Variants in RANBP2 observed in about 807,000 individuals in gnomAD.
RANBP2 encodes E3 SUMO-protein ligase RanBP2.
In RANBP2, 57 loss-of-function variants were observed where a neutral mutation model predicts 303.6. That is an observed-to-expected ratio of 0.19 (90% CI 0.15 to 0.23). The LOEUF (loss-of-function observed/expected upper bound fraction) is 0.23, where lower values mean the gene tolerates loss of function less well. Among genes scored for constraint, RANBP2 ranks in the 10% least tolerant of loss-of-function variants. RANBP2 has a pLI of 1.00. For missense variants in RANBP2, 3,138 were observed against 3,780.8 expected (o/e 0.83, Z 4.46); for synonymous variants, 1,167 against 1,301.5 (o/e 0.90, Z 2.23).
chr2:109,422,971 G>A, the RANBP2 span, among the ~76,000 whole-genome samples: 17 of 152,186 alleles, frequency 1.1e-4, no homozygotes, highest in South Asian at 4.2e-4. Context: ...GGTCTGACTC[G>A]GTCCACGTAC....
At chr2:109,345,023 A>G in the RANBP2 span, among the ~76,000 whole-genome samples, 1 of 152,132 alleles carries the variant, frequency 6.6e-6, no homozygotes, top group Non-Finnish European at 1.5e-5. Context: ...CACAGTGCTG[A>G]TACCAGTGAG....
At chr2:109,199,852 A>T in the RANBP2 span, among the ~76,000 whole-genome samples, 2,292 of 150,276 alleles carry the variant, frequency 0.015, 11 homozygotes, top group Non-Finnish European at 0.025. Context: ...TGGAATGGAA[A>T]TAACAAAATT....
At position 108,768,392 on chromosome 2, in the gene RANBP2, A is replaced by C. The variant is rs2949961; in HGVS notation, c.7849+4A>C. 1 of 1,608,054 alleles carries C rather than the reference A, an allele frequency of 6.2e-7. No individual in the cohort carries two copies. Among genetic ancestry groups the C allele is most frequent in the Non-Finnish European group, 8.5e-7 (1 of 1,177,260 alleles). Reference sequence around the variant, plus strand: ...ACATTTAAAACACCAGAAAAGGGTAAGTACTTTGTTGTTAAAGTTAAGCAC... The same window carrying C: ...ACATTTAAAACACCAGAAAAGGGTACGTACTTTGTTGTTAAAGTTAAGCAC... On this transcript the variant is annotated splice_donor_region_variant and intron_variant, in intron 20 of 28. Coordinates refer to ENST00000283195, the MANE Select transcript of RANBP2 (RefSeq NM_006267.5).
chr2:109,174,678 T>C, the RANBP2 span, among the ~76,000 whole-genome samples: 2 of 152,256 alleles, frequency 1.3e-5, no homozygotes, highest in African/African-American at 4.8e-5. Context: ...ATTTGGAAGA[T>C]GATATTTTCA....
the RANBP2 span, among the ~76,000 whole-genome samples, chr2:108,961,024 G>A: frequency 6.6e-6 from 1 of 152,190 alleles, no homozygotes; most frequent in Admixed American, 6.5e-5. Context: ...GAGTCCCAGT[G>A]GTAGAACTGT....
the RANBP2 span, among the ~76,000 whole-genome samples, chr2:108,914,209 G>A: frequency 1.3e-5 from 2 of 151,222 alleles, no homozygotes; most frequent in East Asian, 1.9e-4. Flanking sequence ...GCAGTGAGCC[G>A]AGATCACACC....
chr2:109,186,474 T>G, the RANBP2 span, among the ~76,000 whole-genome samples: 7 of 152,156 alleles, frequency 4.6e-5, no homozygotes, highest in Non-Finnish European at 2.9e-5. Context: ...CCCGTGGGAG[T>G]TCAAGGTGTG....
At chr2:109,482,883 T>C in the RANBP2 span, among the ~76,000 whole-genome samples, 1 of 152,230 alleles carries the variant, frequency 6.6e-6, no homozygotes, top group Admixed American at 6.6e-5. Context: ...TCCCGTTCCC[T>C]GCTATTTTCA....
At chr2:109,613,725 G>C in the RANBP2 span, 1 of 1,022,302 alleles carries the variant, frequency 9.8e-7, no homozygotes, top group Non-Finnish European at 1.2e-6. Flanking sequence ...CAGGGGGCCG[G>C]TGGGTCGAGG....
chr2:109,360,886 C>A, the RANBP2 span, among the ~76,000 whole-genome samples: 1 of 152,132 alleles, frequency 6.6e-6, no homozygotes, highest in African/African-American at 2.4e-5. Flanking sequence ...TACATTCTTG[C>A]CTTGTCCTTG....
the RANBP2 span, among the ~76,000 whole-genome samples, chr2:109,659,296 G>GAT: frequency 6.7e-6 from 1 of 148,602 alleles, no homozygotes; most frequent in East Asian, 2.0e-4. Flanking sequence ...AGAATTGCTT[G>GAT]CCTGGGAGGC....
At chr2:109,031,889 C>A in the RANBP2 span, among the ~76,000 whole-genome samples, 1 of 146,546 alleles carries the variant, frequency 6.8e-6, no homozygotes. Context: ...AGCGCTACCA[C>A]CCACCCCCCG....
chr2:109,508,779 G>T, the RANBP2 span, among the ~76,000 whole-genome samples: 1 of 152,136 alleles, frequency 6.6e-6, no homozygotes, highest in Non-Finnish European at 1.5e-5. Flanking sequence ...TGCTCAGACA[G>T]GGCACCCCAG....
chr2:109,472,172 G>A, the RANBP2 span, among the ~76,000 whole-genome samples: 1 of 152,224 alleles, frequency 6.6e-6, no homozygotes, highest in Admixed American at 6.5e-5. Flanking sequence ...GCTCCTTATA[G>A]AAATGTAGGA....
chr2:109,239,448 C>T, the RANBP2 span, among the ~76,000 whole-genome samples: 1 of 152,312 alleles, frequency 6.6e-6, no homozygotes, highest in Non-Finnish European at 1.5e-5. Flanking sequence ...TTCCCTGCTC[C>T]TTGCCTCCAA....
the RANBP2 span, among the ~76,000 whole-genome samples, chr2:109,564,723 A>G: frequency 6.6e-6 from 1 of 152,244 alleles, no homozygotes; most frequent in African/African-American, 2.4e-5. Flanking sequence ...TAAATACTGT[A>G]TCATAGGCAA....
chr2:108,873,682 C>G, the RANBP2 span: 1 of 816,956 alleles, frequency 1.2e-6, no homozygotes, highest in African/African-American at 1.7e-5. Flanking sequence ...TTCCCTGGGC[C>G]ACACTGGATG....
At chr2:108,719,748 A>G (rs1489288297) in intron 1 of RANBP2, 70 bp downstream of exon 1, 36 of 1,543,972 alleles carry the variant, frequency 2.3e-5, no homozygotes, top group Middle Eastern at 2.3e-4. Context: ...CTCAGGCGTC[A>G]TGGCTCCCGA....
chr2:109,252,630 C>T, the RANBP2 span, among the ~76,000 whole-genome samples: 53 of 152,188 alleles, frequency 3.5e-4, no homozygotes, highest in African/African-American at 1.1e-3. Context: ...TTGGAAGTAT[C>T]ATAAGTTGAA....
Sources: gnomAD v4.1 joint callset for allele counts (sites outside exome capture counted in the v4.1 genomes callset) on GRCh38, gnomAD v4.1.1 for gene constraint, MANE v1.5 for transcripts, NCBI Gene and HGNC (gene_info 2026-07-23, HGNC 2026-07-21) for gene names.